Variants in USH2A observed in about 807,000 individuals in gnomAD.
USH2A encodes the protein Usher syndrome 2A (autosomal recessive, mild).
A neutral mutation model predicts 538.9 loss-of-function variants in USH2A; 443 were observed. That is an observed-to-expected ratio of 0.82 (90% CI 0.76 to 0.89). The LOEUF is 0.89. Ranked by LOEUF, USH2A falls within the 40% of genes least tolerant of loss-of-function variation. The pLI is 0.00. For synonymous variants in USH2A, 2,413 were observed against 2,273.5 expected (o/e 1.06, Z -1.75); for missense variants, 6,633 against 6,324.8 (o/e 1.05, Z -1.65).
At chr1:215,828,703 G>T (rs184913145) in intron 47 of USH2A, among the ~76,000 whole-genome samples, 1 of 152,094 alleles carries the variant, frequency 6.6e-6, no homozygotes, top group East Asian at 1.9e-4. Context: ...AACTGCCATG[G>T]TTCCAATTAA....
Position 216,086,071 on chromosome 1 carries a change from C to T in USH2A, c.4987+648G>A, listed in dbSNP as rs559439499. On this transcript the variant is annotated intron_variant, in intron 24 of 71. Transcript: ENST00000307340. ...AAACAATCCTAGAATATTAGCATTG[C>T]GTTTGAAGGGTGATTTTTTTTCCTA... Among the ~76,000 whole-genome samples, 100 of 152,066 alleles carry T rather than the reference C, an allele frequency of 6.6e-4. 1 individual carries two copies. The highest frequency in any genetic ancestry group is 1.5e-3 in the South Asian group (7 of 4,804).
intron 5 of USH2A, 95 bp downstream of exon 5, chr1:216,327,496 A>T (rs2037758324): frequency 6.9e-7 from 1 of 1,445,822 alleles, no homozygotes; most frequent in Non-Finnish European, 9.7e-7. Context: ...TGGTATAAAG[A>T]TAAAAAATGG....
chr1:216,202,818 G>T (rs1449937674), intron 16 of USH2A, among the ~76,000 whole-genome samples: 1 of 151,942 alleles, frequency 6.6e-6, no homozygotes, highest in African/African-American at 2.4e-5. Context: ...TCTTTACTGG[G>T]AAACTTTCAG....
chr1:216,267,866 A>T (rs892992904), intron 11 of USH2A, among the ~76,000 whole-genome samples: 1 of 152,148 alleles, frequency 6.6e-6, no homozygotes, highest in Non-Finnish European at 1.5e-5. Flanking sequence ...CATATTTTAC[A>T]TGTAGTAGAT....
chr1:215,771,406 C>T (rs1661280387), intron 55 of USH2A, among the ~76,000 whole-genome samples: 1 of 150,176 alleles, frequency 6.7e-6, no homozygotes, highest in African/African-American at 2.4e-5. Flanking sequence ...CGGTGAAACC[C>T]CGTCTCTACT....
intron 32 of USH2A, among the ~76,000 whole-genome samples, chr1:216,006,644 T>A (rs1317810821): frequency 6.6e-6 from 1 of 152,194 alleles, no homozygotes; most frequent in Non-Finnish European, 1.5e-5. Flanking sequence ...AATTATGTTG[T>A]TCCTTTGTGA....
intron 43 of USH2A, among the ~76,000 whole-genome samples, chr1:215,871,252 T>C (rs1363906497): frequency 6.6e-6 from 1 of 152,208 alleles, no homozygotes; most frequent in African/African-American, 2.4e-5. Flanking sequence ...AAATAATATG[T>C]GTTAAAATCT....
At chr1:216,023,979 A>G (rs1479298688) in intron 32 of USH2A, among the ~76,000 whole-genome samples, 2 of 152,274 alleles carry the variant, frequency 1.3e-5, no homozygotes, top group East Asian at 1.9e-4. Context: ...AGAGACTGAC[A>G]TAAACTGAGA....
At chr1:215,716,884 T>A (rs1259363199) in intron 61 of USH2A, among the ~76,000 whole-genome samples, 1 of 152,230 alleles carries the variant, frequency 6.6e-6, no homozygotes, top group Non-Finnish European at 1.5e-5. Flanking sequence ...CAGATTTTGT[T>A]ACTCTTTGGT....
intron 40 of USH2A, among the ~76,000 whole-genome samples, chr1:215,898,181 A>G (rs774839215): frequency 1.3e-5 from 2 of 152,186 alleles, no homozygotes; most frequent in Admixed American, 1.3e-4. Flanking sequence ...ATTTTGGGGA[A>G]CGGATTTAAA....
At chr1:216,395,496 G>C (rs2039195019) in intron 3 of USH2A, among the ~76,000 whole-genome samples, 1 of 152,038 alleles carries the variant, frequency 6.6e-6, no homozygotes, top group Non-Finnish European at 1.5e-5. Context: ...TTCATGCTTT[G>C]ATAAAATTCT....
At chr1:216,136,475 T>C (rs902935793) in intron 21 of USH2A, among the ~76,000 whole-genome samples, 1 of 152,168 alleles carries the variant, frequency 6.6e-6, no homozygotes, top group Admixed American at 6.5e-5. Context: ...GTTGGAGTTG[T>C]TTAATTCCTC....
chr1:216,375,382 C>T (rs192829639), intron 3 of USH2A, among the ~76,000 whole-genome samples: 1 of 152,320 alleles, frequency 6.6e-6, no homozygotes, highest in Admixed American at 6.5e-5. Context: ...ACTTCTACAA[C>T]AGCACTTGCT....
chr1:215,796,558 C>A (rs1662142701), intron 50 of USH2A, among the ~76,000 whole-genome samples: 2 of 152,048 alleles, frequency 1.3e-5, no homozygotes, highest in Non-Finnish European at 2.9e-5. Flanking sequence ...CCTGTGTGTT[C>A]TGACTGTTTC....
intron 11 of USH2A, among the ~76,000 whole-genome samples, chr1:216,257,587 T>C (rs1177890788): frequency 6.6e-6 from 1 of 152,012 alleles, no homozygotes; most frequent in Non-Finnish European, 1.5e-5. Flanking sequence ...GTTTTCAGTG[T>C]ACTGTACTTG....
Position 216,125,688 on chromosome 1 carries a change from C to T in USH2A, c.4628-28475G>A, listed in dbSNP as rs191090228. 5.1e-3 allele frequency among the ~76,000 whole-genome samples: 783 copies of T among 152,154 alleles called. 3 individuals carry two copies. The highest frequency in any genetic ancestry group is 5.9e-3 in the Non-Finnish European group (403 of 68,000). ...TGGTTCCATCTCTTCAATGCTGCAG[C>T]AATAAGAAACCAAATTTCAGGACAG... On this transcript the variant is annotated intron_variant, in intron 21 of 71. Coordinates refer to ENST00000307340, the MANE Select transcript of USH2A (RefSeq NM_206933.4).
chr1:215,931,652 A>G (rs1666366385), intron 38 of USH2A, among the ~76,000 whole-genome samples: 1 of 151,996 alleles, frequency 6.6e-6, no homozygotes, highest in African/African-American at 2.4e-5. Flanking sequence ...CCTGAGTAAT[A>G]ATAAGCTTAA....
At chr1:216,384,735 G>A (rs2038976939) in intron 3 of USH2A, among the ~76,000 whole-genome samples, 1 of 151,742 alleles carries the variant, frequency 6.6e-6, no homozygotes, top group Admixed American at 6.6e-5. Flanking sequence ...GCAGTCAGGT[G>A]AATGATTTGA....
chr1:215,876,248 T>C (rs202079980), intron 43 of USH2A, among the ~76,000 whole-genome samples: 204 of 152,300 alleles, frequency 1.3e-3, no homozygotes, highest in Non-Finnish European at 2.3e-3. Context: ...CTGCTAGTAA[T>C]TGACCAATCT....
Sources: gnomAD v4.1 joint callset for allele counts (sites outside exome capture counted in the v4.1 genomes callset) on GRCh38, gnomAD v4.1.1 for gene constraint, MANE v1.5 for transcripts, NCBI Gene and HGNC (gene_info 2026-07-23, HGNC 2026-07-21) for gene names.